The following CACNG2 variants were observed in gnomAD, a reference collection of about 807,000 sequenced individuals.
CACNG2 encodes calcium voltage-gated channel auxiliary subunit gamma 2.
In CACNG2, 3 loss-of-function variants were observed where a neutral mutation model predicts 25.9. The observed-to-expected ratio is 0.12, with a 90% CI of 0.05 to 0.30. The LOEUF (loss-of-function observed/expected upper bound fraction) is 0.30, where lower values mean the gene tolerates loss of function less well. Among genes scored for constraint, CACNG2 ranks in the 10% least tolerant of loss-of-function variants. The pLI, the probability that CACNG2 is intolerant of heterozygous loss-of-function variation, is 1.00. For synonymous variants in CACNG2, 167 were observed against 173.3 expected (o/e 0.96, Z 0.29); for missense variants, 341 against 432.5 (o/e 0.79, Z 1.88).
At chr22:36,666,513 T>A (rs1236163078) in intron 1 of CACNG2, among the ~76,000 whole-genome samples, 2 of 151,682 alleles carry the variant, frequency 1.3e-5, no homozygotes, top group Non-Finnish European at 1.5e-5. Context: ...TTGCCAGGGG[T>A]TGAGGGGCAG....
intron 1 of CACNG2, among the ~76,000 whole-genome samples, chr22:36,612,182 A>C (rs1935952060): frequency 6.6e-6 from 1 of 152,206 alleles, no homozygotes; most frequent in Admixed American, 6.5e-5. Flanking sequence ...GCTGCCACTT[A>C]CTAGCCATGA....
chr22:36,635,035 G>T (rs1444202473), intron 1 of CACNG2, among the ~76,000 whole-genome samples: 1 of 152,194 alleles, frequency 6.6e-6, no homozygotes, highest in East Asian at 1.9e-4. Flanking sequence ...TGTAATCCCA[G>T]CACTTTGGGA....
chr22:36,606,688 C>T lies in CACNG2; in HGVS notation c.212-19140G>A, dbSNP rs1200788135. On this transcript the variant is annotated intron_variant, in intron 1 of 3. Coordinates refer to ENST00000300105, the MANE Select transcript of CACNG2 (RefSeq NM_006078.5). The surrounding 1 kb of genome is among the most constrained non-coding windows in gnomAD (Gnocchi z 5.7). ...GAGAGAAGAGCAAGTGAGGGCCAAC[C>T]AGAGAGAGGACAGGATGCTGAAGCC... 6.6e-6 allele frequency among the ~76,000 whole-genome samples: 1 copy of T among 151,900 alleles called. No homozygotes were observed. The highest frequency in any genetic ancestry group is 1.5e-5 in the Non-Finnish European group (1 of 67,980).
Position 36,674,236 on chromosome 22 carries a change from A to G in CACNG2, c.211+28130T>C, listed in dbSNP as rs552884021. 1.8e-4 allele frequency among the ~76,000 whole-genome samples: 27 copies of G among 152,344 alleles called. 2 individuals are homozygous for G. The South Asian group carries it at 5.6e-3, about 32-fold the overall frequency. On this transcript the variant is annotated intron_variant, in intron 1 of 3. Transcript: ENST00000300105. ...AGAAGGGACAGGGGTGACCATGGGAAAGCAACTTCACCTCTCCCACCTCCC... is the reference window on the plus strand; with the variant it reads ...AGAAGGGACAGGGGTGACCATGGGAGAGCAACTTCACCTCTCCCACCTCCC...
intron 1 of CACNG2, among the ~76,000 whole-genome samples, chr22:36,654,830 C>T (rs1183051225): frequency 6.6e-6 from 1 of 152,190 alleles, no homozygotes; most frequent in African/African-American, 2.4e-5. Flanking sequence ...AAGTTCTCAG[C>T]TCCTTTAGGC....
At chr22:36,619,635 CTGT>C (rs1280198313) in intron 1 of CACNG2, among the ~76,000 whole-genome samples, 1 of 152,220 alleles carries the variant, frequency 6.6e-6, no homozygotes, top group East Asian at 1.9e-4. Flanking sequence ...CACCTTGCCT[CTGT>C]TCTTTTCTCC....
intron 1 of CACNG2, among the ~76,000 whole-genome samples, chr22:36,652,832 T>G (rs139872511): frequency 6.6e-6 from 1 of 152,088 alleles, no homozygotes; most frequent in African/African-American, 2.4e-5. Flanking sequence ...TCTCCACTGC[T>G]CTAGTTACTT....
intron 2 of CACNG2, among the ~76,000 whole-genome samples, chr22:36,586,826 T>C (rs1479136546): frequency 6.6e-6 from 1 of 152,256 alleles, no homozygotes; most frequent in Non-Finnish European, 1.5e-5. Context: ...TTGCTGATAC[T>C]TGAGACATTT....
chr22:36,587,634 T>G (rs926547355), intron 1 of CACNG2, 86 bp from the exon 2 acceptor site: 8 of 942,328 alleles, frequency 8.5e-6, no homozygotes, highest in Non-Finnish European at 1.2e-5. Flanking sequence ...AACTTCTGGC[T>G]CTTTGGAAAC....
intron 1 of CACNG2, among the ~76,000 whole-genome samples, chr22:36,691,004 G>GTATA (rs3076288): frequency 0.55 from 83,970 of 151,714 alleles, 25,563 homozygotes; most frequent in East Asian, 0.77. Flanking sequence ...TCCCGCAATA[G>GTATA]TATAAACCTC....
rs1296749972 is a variant in CACNG2 at position 36,564,357 on chromosome 22, G to A, written c.966C>T (p.Pro322=). 10 of 1,613,288 alleles carry A rather than the reference G, an allele frequency of 6.2e-6. No homozygotes were observed. The highest frequency in any genetic ancestry group is 2.2e-5 in the South Asian group (2 of 91,008). ...CTGGCGAGGCCCGCGGTCTTTATACGGGGGTGGTCCGGCGGTTGGCTGTGT... is the reference window on the plus strand; with the variant it reads ...CTGGCGAGGCCCGCGGTCTTTATACAGGGGTGGTCCGGCGGTTGGCTGTGT... ...HSNTANRRTT[P]V The change falls in exon 4 of 4, where the codon CCC becomes CCT. Residue 322 remains proline (P), a synonymous_variant. Transcript: ENST00000300105. This position sits in a 1 kb window ranked among gnomAD's most constrained non-coding sequence, Gnocchi z 6.7.
chr22:36,582,693 G>A (rs2283980), intron 2 of CACNG2, among the ~76,000 whole-genome samples: 29,624 of 150,614 alleles, frequency 0.2, 3,496 homozygotes, highest in Non-Finnish European at 0.27. Context: ...ACAGGCACCC[G>A]CCACCACGCC....
At chr22:36,678,306 T>A (rs972193188) in intron 1 of CACNG2, among the ~76,000 whole-genome samples, 2 of 152,132 alleles carry the variant, frequency 1.3e-5, no homozygotes, top group African/African-American at 4.8e-5. Context: ...CAGTCTAATG[T>A]TACAAGGGGA....
intron 1 of CACNG2, among the ~76,000 whole-genome samples, chr22:36,666,859 C>G (rs929660039): frequency 6.6e-6 from 1 of 152,110 alleles, no homozygotes; most frequent in Non-Finnish European, 1.5e-5. Flanking sequence ...TCCTGTCCCC[C>G]ACTAGACCGG....
chr22:36,581,473 C>T (rs1427275108), intron 2 of CACNG2, among the ~76,000 whole-genome samples: 2 of 152,212 alleles, frequency 1.3e-5, no homozygotes, highest in Non-Finnish European at 2.9e-5. Flanking sequence ...CGCGGTGAGC[C>T]CCACCATCCT....
intron 1 of CACNG2, among the ~76,000 whole-genome samples, chr22:36,646,485 T>A (rs1311083727): frequency 1.3e-5 from 2 of 152,174 alleles, no homozygotes; most frequent in African/African-American, 4.8e-5. Flanking sequence ...TGCACAAAAA[T>A]TGATTTGCAA....
intron 1 of CACNG2, among the ~76,000 whole-genome samples, chr22:36,598,319 C>T (rs982608469): frequency 6.6e-6 from 1 of 152,074 alleles, no homozygotes; most frequent in African/African-American, 2.4e-5. Context: ...TTATGAAAAA[C>T]CTACTTGACT....
intron 1 of CACNG2, among the ~76,000 whole-genome samples, chr22:36,618,543 A>G (rs932455738): frequency 5.3e-5 from 8 of 152,214 alleles, no homozygotes; most frequent in Admixed American, 1.3e-4. Context: ...AATTGATGAT[A>G]TTGGATGTGG....
At chr22:36,581,855 C>G (rs1049921041) in intron 2 of CACNG2, among the ~76,000 whole-genome samples, 3 of 152,214 alleles carry the variant, frequency 2.0e-5, no homozygotes, top group African/African-American at 7.2e-5. Flanking sequence ...CATACCGAGC[C>G]CGTGACATTG....
Sources: gnomAD v4.1 joint callset for allele counts (sites outside exome capture counted in the v4.1 genomes callset) on GRCh38, gnomAD v4.1.1 for gene constraint, Gnocchi (gnomAD v3.1) non-coding constraint, MANE v1.5 for transcripts, NCBI Gene and HGNC (gene_info 2026-07-23, HGNC 2026-07-21) for gene names.